Variants in FSTL4 observed in about 807,000 individuals in gnomAD.
The protein encoded by FSTL4 is follistatin like 4, also known as follistatin-related protein 4.
A neutral mutation model predicts 78.2 loss-of-function variants in FSTL4; 28 were observed. That is an observed-to-expected ratio of 0.36 (90% CI 0.27 to 0.49). The LOEUF (loss-of-function observed/expected upper bound fraction) is 0.49. FSTL4 is among the 20% of genes least tolerant of loss of function. FSTL4 has a pLI of 0.98. For missense variants in FSTL4, 922 were observed against 1,084.9 expected (o/e 0.85, Z 2.11); for synonymous variants, 422 against 440.5 (o/e 0.96, Z 0.53).
chr5:133,750,798 C>A, the FSTL4 span, among the ~76,000 whole-genome samples: 1 of 152,092 alleles, frequency 6.6e-6, no homozygotes. Flanking sequence ...GTCCTGGAAG[C>A]TCTCCCTCCA....
At chr5:133,251,775 A>G (rs1752249641) in intron 6 of FSTL4, among the ~76,000 whole-genome samples, 1 of 152,220 alleles carries the variant, frequency 6.6e-6, no homozygotes, top group African/African-American at 2.4e-5. Flanking sequence ...CAGCAACATA[A>G]TATCTGGACC....
At chr5:133,347,527 A>T (rs1754723154) in intron 4 of FSTL4, among the ~76,000 whole-genome samples, 1 of 151,920 alleles carries the variant, frequency 6.6e-6, no homozygotes, top group Non-Finnish European at 1.5e-5. Context: ...TTGTATTTTT[A>T]GTATAGATAG....
upstream of FSTL4, among the ~76,000 whole-genome samples, chr5:133,614,724 T>C (rs1031879570): frequency 6.6e-6 from 1 of 152,182 alleles, no homozygotes; most frequent in African/African-American, 2.4e-5. Flanking sequence ...TGATTCTCAA[T>C]AGCCAACTAG....
chr5:133,382,931 G>GGA (rs59510669), intron 4 of FSTL4, among the ~76,000 whole-genome samples: 4,442 of 152,056 alleles, frequency 0.029, 222 homozygotes, highest in African/African-American at 0.1. Flanking sequence ...AGAGAGACAG[G>GGA]GAGAGAGAGA....
chr5:133,545,768 T>C (rs900134822), intron 3 of FSTL4, among the ~76,000 whole-genome samples: 2 of 152,148 alleles, frequency 1.3e-5, no homozygotes, highest in African/African-American at 4.8e-5. Flanking sequence ...TATATTGCCA[T>C]GAATGGAGGA....
chr5:133,324,244 C>T (rs1023238110), intron 4 of FSTL4, among the ~76,000 whole-genome samples: 1 of 152,060 alleles, frequency 6.6e-6, no homozygotes, highest in South Asian at 2.1e-4. Flanking sequence ...TGGGAGACTC[C>T]GAAGAGTCAA....
chr5:133,837,710 C>T, the FSTL4 span, among the ~76,000 whole-genome samples: 2 of 152,010 alleles, frequency 1.3e-5, no homozygotes, highest in African/African-American at 4.8e-5. Context: ...CTGGTAGAAC[C>T]ACAATTTTCC....
At chr5:133,267,612 G>T (rs1223842939) in intron 6 of FSTL4, among the ~76,000 whole-genome samples, 1 of 152,054 alleles carries the variant, frequency 6.6e-6, no homozygotes, top group Non-Finnish European at 1.5e-5. Flanking sequence ...CTAAAGGGGG[G>T]ACTTGGTGTT....
chr5:133,259,180 T>G (rs149350034), intron 6 of FSTL4, among the ~76,000 whole-genome samples: 1,781 of 111,494 alleles, frequency 0.016, 37 homozygotes, highest in African/African-American at 0.06. Flanking sequence ...GGTGTGTGTG[T>G]GGGGGGTGGG....
At chr5:133,371,918 C>T (rs1004972422) in intron 4 of FSTL4, among the ~76,000 whole-genome samples, 8 of 152,324 alleles carry the variant, frequency 5.3e-5, no homozygotes, top group African/African-American at 1.9e-4. Flanking sequence ...GGGAAGCCCA[C>T]TTCATCACCG....
the FSTL4 span, among the ~76,000 whole-genome samples, chr5:133,791,058 C>G: frequency 6.6e-6 from 1 of 152,260 alleles, no homozygotes; most frequent in Non-Finnish European, 1.5e-5. Flanking sequence ...CCCTCACTCA[C>G]TCTGCTGTAG....
At chr5:133,320,554 G>A (rs535264284) in intron 4 of FSTL4, among the ~76,000 whole-genome samples, 1 of 152,304 alleles carries the variant, frequency 6.6e-6, no homozygotes, top group South Asian at 2.1e-4. Context: ...CCTCCCAGAT[G>A]CAGGTGCTGT....
At chr5:133,483,820 C>T (rs1758078070) in intron 3 of FSTL4, among the ~76,000 whole-genome samples, 1 of 152,186 alleles carries the variant, frequency 6.6e-6, no homozygotes, top group Admixed American at 6.5e-5. Flanking sequence ...ATACAGCTCC[C>T]AGGCTGCCTC....
chr5:133,731,002 C>T, the FSTL4 span, among the ~76,000 whole-genome samples: 4 of 152,280 alleles, frequency 2.6e-5, no homozygotes, highest in Middle Eastern at 3.4e-3. Flanking sequence ...GCCAGATGGC[C>T]GCTCTGATGC....
chr5:133,254,219 G>A (rs998252631), intron 6 of FSTL4, among the ~76,000 whole-genome samples: 3 of 152,208 alleles, frequency 2.0e-5, no homozygotes, highest in Non-Finnish European at 4.4e-5. Flanking sequence ...CAGGGCCTTC[G>A]ACAGTGGCAT....
At chr5:133,395,038 C>T (rs545387133) in intron 4 of FSTL4, among the ~76,000 whole-genome samples, 1 of 152,106 alleles carries the variant, frequency 6.6e-6, no homozygotes, top group South Asian at 2.1e-4. Flanking sequence ...CACCAATCAG[C>T]ACCCTGTCAA....
chr5:133,833,943 A>G, the FSTL4 span, among the ~76,000 whole-genome samples: 1 of 152,232 alleles, frequency 6.6e-6, no homozygotes, highest in African/African-American at 2.4e-5. Context: ...TTTATCTAAG[A>G]GTCTTCTAAA....
chr5:133,820,183 C>G, the FSTL4 span, among the ~76,000 whole-genome samples: 2 of 152,196 alleles, frequency 1.3e-5, no homozygotes, highest in Non-Finnish European at 2.9e-5. Context: ...AGAAGTCCTT[C>G]CCCACAGAGC....
At chr5:133,839,639 C>T in the FSTL4 span, among the ~76,000 whole-genome samples, 1 of 152,308 alleles carries the variant, frequency 6.6e-6, no homozygotes, top group Admixed American at 6.5e-5. Flanking sequence ...CCCACCATTG[C>T]TCTTGCGGGA....
Sources: allele counts gnomAD v4.1 joint callset (sites outside exome capture counted in the v4.1 genomes callset), GRCh38; gene constraint gnomAD v4.1.1; transcripts MANE v1.5; gene names NCBI Gene and HGNC (gene_info 2026-07-23, HGNC 2026-07-21).